The following RGS6 variants were observed in gnomAD, a reference collection of about 807,000 sequenced individuals.
RGS6 encodes regulator of G-protein signaling 6.
A neutral mutation model predicts 78.5 loss-of-function variants in RGS6; 30 were observed. That is an observed-to-expected ratio of 0.38 (90% CI 0.29 to 0.52). The LOEUF (loss-of-function observed/expected upper bound fraction) is 0.52. RGS6 is among the 20% of genes least tolerant of loss of function. The probability of loss-of-function intolerance (pLI) is 0.85; values close to 1 mark genes in which losing one functional copy is unlikely to be tolerated. For synonymous variants in RGS6, 206 were observed against 206.0 expected (o/e 1.00, Z 0.00); for missense variants, 495 against 609.7 (o/e 0.81, Z 1.98).
At chr14:72,014,476 T>C (rs1368447227) in intron 2 of RGS6, among the ~76,000 whole-genome samples, 1 of 152,228 alleles carries the variant, frequency 6.6e-6, no homozygotes, top group Non-Finnish European at 1.5e-5. Flanking sequence ...CTTTGATTTT[T>C]GGAAAGAGTG....
chr14:72,439,720 T>A (rs1203120561), intron 3 of RGS6, among the ~76,000 whole-genome samples: 1 of 152,160 alleles, frequency 6.6e-6, no homozygotes, highest in Non-Finnish European at 1.5e-5. Flanking sequence ...TCCCTTGCCC[T>A]CTGGGTACAA....
rs923436369 is a variant in RGS6, at chr14:72,562,522, G to A, written c.*55G>A. 2.7e-5 allele frequency: 44 copies of A among 1,604,484 alleles called. No individual in the cohort carries two copies. In the East Asian group the frequency reaches 3.1e-4, roughly 11 times the overall value. On this transcript the variant is annotated 3_prime_UTR_variant, in exon 18 of 18. Transcript: ENST00000553525. ...CCCGCGGACCCCACAGGCAGGCGGC[G>A]GCGCTCCACATCTGCGGACAGAGTT...
At position 72,495,212 on chromosome 14, in the gene RGS6, A is replaced by C. The variant is rs2096628705; in HGVS notation, c.915A>C (p.Pro305=). 2 of 1,613,742 alleles carry C rather than the reference A, an allele frequency of 1.2e-6. No individual in the cohort carries two copies. The highest frequency in any genetic ancestry group is 2.2e-5 in the South Asian group (2 of 91,072). The change falls in exon 13 of 18, where the codon CCA becomes CCC. Residue 305 remains proline, a synonymous_variant. Transcript: ENST00000553525. ...EYDPLITPAE[P]SNPWISDDVA... is the part of the protein sequence containing the mutation. Reference sequence around the variant, plus strand: ...ACCCTTTGATAACACCAGCTGAGCCATCCAACCCTTGGATCAGCGATGACG... The same window carrying C: ...ACCCTTTGATAACACCAGCTGAGCCCTCCAACCCTTGGATCAGCGATGACG...
At chr14:71,936,849 A>G (rs1381920816) in intron 1 of RGS6, among the ~76,000 whole-genome samples, 1 of 152,244 alleles carries the variant, frequency 6.6e-6, no homozygotes. Context: ...GCAGCTGGTC[A>G]CATGGTCGTA....
intron 2 of RGS6, among the ~76,000 whole-genome samples, chr14:72,009,068 C>T (rs1331126798): frequency 3.9e-5 from 6 of 152,158 alleles, no homozygotes; most frequent in African/African-American, 1.4e-4. Flanking sequence ...TCAGTAAAAA[C>T]CTTGGGCCAG....
At chr14:72,560,305 T>A (rs1019240265) in intron 17 of RGS6, among the ~76,000 whole-genome samples, 2 of 152,170 alleles carry the variant, frequency 1.3e-5, no homozygotes, top group East Asian at 3.8e-4. Context: ...CAAACTTCCT[T>A]TGTGCCTTTC....
intron 3 of RGS6, among the ~76,000 whole-genome samples, chr14:72,393,652 A>G (rs2090513955): frequency 6.6e-6 from 1 of 152,024 alleles, no homozygotes; most frequent in Admixed American, 6.6e-5. Flanking sequence ...AAAACTGCAT[A>G]CTCTACTGTG....
chr14:72,562,090 C>A (rs1028956735), intron 17 of RGS6, among the ~76,000 whole-genome samples: 1 of 152,176 alleles, frequency 6.6e-6, no homozygotes, highest in Non-Finnish European at 1.5e-5. Context: ...GGCAGCCCGC[C>A]GGCATTAAAA....
intron 2 of RGS6, among the ~76,000 whole-genome samples, chr14:72,050,358 G>A (rs1057417483): frequency 6.6e-6 from 1 of 152,058 alleles, no homozygotes; most frequent in Non-Finnish European, 1.5e-5. Context: ...TAACCTGTAT[G>A]CAAAGCATGG....
chr14:72,487,986 C>T (rs141742400), intron 12 of RGS6, among the ~76,000 whole-genome samples: 369 of 152,304 alleles, frequency 2.4e-3, no homozygotes, highest in African/African-American at 8.6e-3. Context: ...AGCCCCAATA[C>T]GTGTATGTCT....
intron 1 of RGS6, among the ~76,000 whole-genome samples, chr14:71,939,422 A>T (rs1447558170): frequency 6.6e-6 from 1 of 152,206 alleles, no homozygotes; most frequent in Non-Finnish European, 1.5e-5. Flanking sequence ...AATGTAATGG[A>T]CCAGAGTGAT....
intron 2 of RGS6, among the ~76,000 whole-genome samples, chr14:72,220,603 C>G (rs847319): frequency 2.9e-4 from 44 of 152,040 alleles, no homozygotes; most frequent in South Asian, 2.5e-3. Flanking sequence ...TGGCTGCTTC[C>G]GTATAGTATT....
chr14:72,030,438 T>A (rs1335117145), intron 2 of RGS6, among the ~76,000 whole-genome samples: 4 of 152,158 alleles, frequency 2.6e-5, no homozygotes, highest in Non-Finnish European at 4.4e-5. Flanking sequence ...GGAAAGCAGC[T>A]GTAGGTTGGC....
intron 2 of RGS6, among the ~76,000 whole-genome samples, chr14:72,193,647 G>A (rs960775403): frequency 6.6e-6 from 1 of 152,186 alleles, no homozygotes; most frequent in Non-Finnish European, 1.5e-5. Flanking sequence ...AAAAAGAAAT[G>A]AAGGAGAACA....
At chr14:71,980,108 T>G (rs576425265) in intron 2 of RGS6, among the ~76,000 whole-genome samples, 72 of 130,542 alleles carry the variant, frequency 5.5e-4, no homozygotes, top group African/African-American at 7.7e-4. Flanking sequence ...GTTTTCCATT[T>G]GCTTGGTAGA....
At chr14:72,336,833 C>T (rs765247244) in intron 2 of RGS6, among the ~76,000 whole-genome samples, 2 of 151,700 alleles carry the variant, frequency 1.3e-5, no homozygotes, top group African/African-American at 4.8e-5. Context: ...TTCCCAGCCT[C>T]TCTCTCTGGC....
intron 13 of RGS6, among the ~76,000 whole-genome samples, chr14:72,500,877 G>C (rs1206877930): frequency 6.6e-6 from 1 of 152,152 alleles, no homozygotes; most frequent in Non-Finnish European, 1.5e-5. Context: ...AGGTGACCAG[G>C]GACTTTTCAA....
In RGS6 at chr14:72,510,145, A is replaced by C; in HGVS notation, c.966-9A>C. 1.3e-6 allele frequency: 2 copies of C among 1,587,814 alleles called. No individual in the cohort carries two copies. The highest frequency in any genetic ancestry group is 1.7e-6 in the Non-Finnish European group (2 of 1,170,852). ...GATCTTCTTTAAACCTTCTTCCTTCACCCCAAAGCAAAGAGCCCAGCCAAC... is the reference window on the plus strand; with the variant it reads ...GATCTTCTTTAAACCTTCTTCCTTCCCCCCAAAGCAAAGAGCCCAGCCAAC... On this transcript the variant is annotated splice_polypyrimidine_tract_variant and intron_variant, in intron 13 of 17. Transcript: ENST00000553525.
intron 2 of RGS6, among the ~76,000 whole-genome samples, chr14:72,321,865 C>T (rs847347): frequency 0.61 from 92,339 of 151,746 alleles, 30,396 homozygotes; most frequent in African/African-American, 0.88. Context: ...GTCATCCTTT[C>T]AGATGTCCAT....
Sources: gnomAD v4.1 joint callset for allele counts (sites outside exome capture counted in the v4.1 genomes callset) on GRCh38, gnomAD v4.1.1 for gene constraint, MANE v1.5 for transcripts, NCBI Gene and HGNC (gene_info 2026-07-23, HGNC 2026-07-21) for gene names.